GADL1: variants seen among roughly 807,000 people sequenced by gnomAD.
The protein encoded by GADL1 is acidic amino acid decarboxylase GADL1.
Under a neutral mutation model 69.5 loss-of-function variants are expected in GADL1, and 71 were observed. That is an observed-to-expected ratio of 1.02 (90% CI 0.84 to 1.25). The LOEUF is 1.25. GADL1 is among the 50% of genes most tolerant of loss of function. The pLI is 0.00. For synonymous variants in GADL1, 254 were observed against 214.4 expected, an observed-to-expected ratio of 1.18 and a Z score of -1.62; for missense variants, 737 against 631.8, an observed-to-expected ratio of 1.17 and a Z score of -1.79.
rs749098468 is a variant in GADL1, at chr3:30,800,971, C to T, written c.1168G>A (p.Ala390Thr). 4 of 1,613,724 alleles carry T rather than the reference C, an allele frequency of 2.5e-6. No homozygotes were observed. Among genetic ancestry groups the T allele is most frequent in the African/African-American group, 2.7e-5 (2 of 75,002 alleles). ...TTCCAGGTCATCCAGAACTTGAATG[C>T]ATCTGGTCTTCTGCTACACTGGATA... The part of the protein sequence containing the change: ...KSIQCSRRPD[A>T]FKFWMTWKAL... The change falls in exon 12 of 15, where the codon GCA becomes ACA. Residue 390 changes from alanine to threonine, a missense_variant. Ala to Thr is a moderately conservative substitution (Grantham distance 58). Transcript: ENST00000282538.
chr3:30,827,945 T>C (rs542600741), intron 11 of GADL1, among the ~76,000 whole-genome samples: 2 of 151,950 alleles, frequency 1.3e-5, no homozygotes, highest in African/African-American at 2.4e-5. Context: ...TACCTTCCCC[T>C]TTTTCTGCTA....
chr3:30,857,922 T>C (rs1236139212), intron 2 of GADL1, among the ~76,000 whole-genome samples: 2 of 151,994 alleles, frequency 1.3e-5, no homozygotes, highest in Non-Finnish European at 2.9e-5. Flanking sequence ...TAGAATGTTT[T>C]TCAAAATATC....
chr3:30,779,811 A>G (rs1477221802), intron 13 of GADL1, among the ~76,000 whole-genome samples: 1 of 152,150 alleles, frequency 6.6e-6, no homozygotes, highest in East Asian at 1.9e-4. Context: ...GTCCTAAAAT[A>G]ATGTAGGTGG....
intron 12 of GADL1, among the ~76,000 whole-genome samples, chr3:30,795,074 C>A (rs541668839): frequency 6.6e-6 from 1 of 152,126 alleles, no homozygotes; most frequent in Admixed American, 6.5e-5. Context: ...ACAATCATCA[C>A]GTGCAGCTTT....
intron 14 of GADL1, among the ~76,000 whole-genome samples, chr3:30,775,764 G>A (rs768570489): frequency 7.2e-5 from 11 of 152,178 alleles, no homozygotes; most frequent in Non-Finnish European, 1.5e-4. Flanking sequence ...GGGGATAAGA[G>A]AATGTCCCAA....
At chr3:30,877,459 G>A (rs1301395401) in intron 1 of GADL1, among the ~76,000 whole-genome samples, 1 of 151,820 alleles carries the variant, frequency 6.6e-6, no homozygotes, top group African/African-American at 2.4e-5. Flanking sequence ...TTTTTCATAA[G>A]TTTTCTTTAT....
chr3:30,783,192 C>T (rs929284031), intron 13 of GADL1, among the ~76,000 whole-genome samples: 4 of 152,114 alleles, frequency 2.6e-5, no homozygotes, highest in African/African-American at 9.7e-5. Flanking sequence ...ATTAATAACT[C>T]CTCCTAGTGT....
At chr3:30,730,476 T>C (rs1050255554) in intron 14 of GADL1, among the ~76,000 whole-genome samples, 3 of 152,118 alleles carry the variant, frequency 2.0e-5, no homozygotes, top group Non-Finnish European at 2.9e-5. Context: ...GAGTACTTAC[T>C]TCACCTGAAG....
rs1491390714 is a variant in GADL1, at chr3:30,839,529, G to GAAAAAAAAAAAA, written c.787-417_787-416insTTTTTTTTTTTT. 3.7e-5 allele frequency among the ~76,000 whole-genome samples: 5 copies of GAAAAAAAAAAAA among 133,826 alleles called. 1 individual carries two copies. The highest frequency in any genetic ancestry group is 7.8e-5 in the Non-Finnish European group (5 of 63,884). 87.8% of individuals were successfully genotyped at this position (133,826 alleles called of 152,430 possible). ...GTCATCTTCTCAAAAAAAAAAAAAG[G>GAAAAAAAAAAAA]TTGGAAGACAGAGCTCCCGGAGTAA... On this transcript the variant is annotated intron_variant, in intron 8 of 14. Transcript: ENST00000282538.
At chr3:30,791,711 G>A (rs976733373) in intron 12 of GADL1, among the ~76,000 whole-genome samples, 1 of 152,034 alleles carries the variant, frequency 6.6e-6, no homozygotes, top group African/African-American at 2.4e-5. Flanking sequence ...CCAGTGATAT[G>A]GTTTGGCTGT....
chr3:30,776,590 T>C (rs1308501827), intron 14 of GADL1, among the ~76,000 whole-genome samples: 1 of 152,200 alleles, frequency 6.6e-6, no homozygotes, highest in Non-Finnish European at 1.5e-5. Context: ...AAGAGGTGTA[T>C]TCTGTATTGG....
chr3:30,786,456 C>A lies in GADL1; in HGVS notation c.1251-50G>T. On this transcript the variant is annotated intron_variant, in intron 12 of 14. Coordinates refer to ENST00000282538, the MANE Select transcript of GADL1 (RefSeq NM_207359.3). Reference sequence around the variant, plus strand: ...TTTATAATCTGCAATGTAAAAGTGTCATGAACATGACTGATATGACAAAAC... The same window carrying A: ...TTTATAATCTGCAATGTAAAAGTGTAATGAACATGACTGATATGACAAAAC... 3 of 960,422 alleles carry A rather than the reference C, an allele frequency of 3.1e-6. No homozygotes were observed. In the South Asian group the frequency reaches 4.0e-5, roughly 13 times the overall value. 59.5% of individuals were successfully genotyped at this position (960,422 alleles called of 1,614,324 possible).
chr3:30,771,089 G>A (rs1183610840), intron 14 of GADL1, among the ~76,000 whole-genome samples: 1 of 149,142 alleles, frequency 6.7e-6, no homozygotes, highest in African/African-American at 2.6e-5. Flanking sequence ...CTTTTTGTTG[G>A]TTGGAATTGT....
intron 8 of GADL1, among the ~76,000 whole-genome samples, chr3:30,840,189 A>G (rs562626857): frequency 1.3e-5 from 2 of 152,094 alleles, no homozygotes; most frequent in African/African-American, 4.8e-5. Flanking sequence ...ATTGCAATAC[A>G]TTTTTATGTC....
intron 1 of GADL1, among the ~76,000 whole-genome samples, chr3:30,875,592 G>A (rs575269579): frequency 8.6e-5 from 13 of 151,804 alleles, no homozygotes; most frequent in Non-Finnish European, 1.6e-4. Context: ...ACACTCTCAC[G>A]AAAGAATAGG....
chr3:30,847,163 G>C (rs1000015897), intron 6 of GADL1, among the ~76,000 whole-genome samples: 1 of 152,112 alleles, frequency 6.6e-6, no homozygotes, highest in African/African-American at 2.4e-5. Context: ...TTCTCCAAAA[G>C]TCCCCTTCTC....
At chr3:30,765,867 T>C (rs765926596) in intron 14 of GADL1, among the ~76,000 whole-genome samples, 5 of 152,178 alleles carry the variant, frequency 3.3e-5, no homozygotes, top group Non-Finnish European at 7.3e-5. Flanking sequence ...ATAATTTGTC[T>C]GTTTCTCTCG....
chr3:30,789,945 G>A (rs940219572), intron 12 of GADL1, among the ~76,000 whole-genome samples: 6 of 152,060 alleles, frequency 3.9e-5, no homozygotes, highest in East Asian at 1.9e-4. Context: ...AAGTTGTTTC[G>A]CTTTCTTATT....
chr3:30,841,520 C>T (rs563155252), intron 8 of GADL1, among the ~76,000 whole-genome samples: 1 of 152,152 alleles, frequency 6.6e-6, no homozygotes, highest in South Asian at 2.1e-4. Context: ...AGGCAACAAA[C>T]TCACTATTTT....
Sources: gnomAD v4.1 joint callset for allele counts (sites outside exome capture counted in the v4.1 genomes callset) on GRCh38, gnomAD v4.1.1 for gene constraint, MANE v1.5 for transcripts, NCBI Gene and HGNC (gene_info 2026-07-23, HGNC 2026-07-21) for gene names.